NEK4: variants seen among roughly 807,000 people sequenced by gnomAD.
NEK4 encodes the protein serine/threonine-protein kinase Nek4.
In NEK4, 86 loss-of-function variants were observed where a neutral mutation model predicts 98.4. The observed-to-expected ratio is 0.87, with a 90% CI of 0.73 to 1.05. The LOEUF is 1.05. Among genes scored for constraint, NEK4 ranks in the 50% least tolerant of loss-of-function variants. The pLI is 0.00. For synonymous variants in NEK4, 328 were observed against 342.2 expected, an observed-to-expected ratio of 0.96 and a Z score of 0.46; for missense variants, 898 against 950.3, an observed-to-expected ratio of 0.94 and a Z score of 0.72.
rs572412356 is a variant in NEK4, at chr3:52,741,142, A to C, written c.2093+269T>G. ...TCCCAGCTACTTGGGAGGCTGAGTC[A>C]GGAGAACGGTGTGAACCCGGGAGGC... On this transcript the variant is annotated intron_variant, in intron 13 of 15. Transcript: ENST00000233027. 2.6e-3 allele frequency among the ~76,000 whole-genome samples: 393 copies of C among 151,218 alleles called. 3 individuals are homozygous for C. The highest frequency in any genetic ancestry group is 9.3e-3 in the African/African-American group (382 of 41,132).
chr3:52,768,307 C>A, intron 2 of NEK4, 31 bp downstream of exon 2: 1 of 1,568,794 alleles, frequency 6.4e-7, no homozygotes, highest in South Asian at 1.2e-5. Flanking sequence ...CATCTGGGAA[C>A]AAGCTAGGAT....
chr3:52,733,428 A>C, intron 15 of NEK4: 2 of 389,098 alleles, frequency 5.1e-6, no homozygotes, highest in Non-Finnish European at 1.0e-5. Flanking sequence ...CTTGTAATCC[A>C]TTCTGGAGAA....
At position 52,743,362 on chromosome 3, in the gene NEK4, C is replaced by T; in HGVS notation, c.1994G>A (p.Ser665Asn). The T allele has an allele frequency of 3.7e-6, 6 of 1,613,562 alleles. No homozygotes were observed. The highest frequency in any genetic ancestry group is 5.1e-6 in the Non-Finnish European group (6 of 1,179,510). The change falls in exon 12 of 16, where the codon AGC (serine) becomes AAC (asparagine). Residue 665 changes from serine (S) to asparagine (N), a missense_variant. Transcript: ENST00000233027. ...GAGTACGTAATGCACCTGAGTGACG[C>T]TGCAGTCAGAGGAGAGCCGTCGGGC... is the stretch of plus-strand genomic sequence containing the variant. ...LPARRLSSDC[S>N]VTQERKQIHC...
At chr3:52,768,292 C>G in intron 2 of NEK4, 46 bp downstream of exon 2, 1 of 1,558,272 alleles carries the variant, frequency 6.4e-7, no homozygotes, top group Non-Finnish European at 8.7e-7. Context: ...CTGCCATCTT[C>G]TTGCCATCTG....
intron 8 of NEK4, among the ~76,000 whole-genome samples, 158 bp downstream of exon 8, chr3:52,749,534 A>G (rs1388760960): frequency 6.6e-6 from 1 of 152,070 alleles, no homozygotes; most frequent in Non-Finnish European, 1.5e-5. Context: ...TGGCCAAAGT[A>G]TATAAAAAGA....
chr3:52,753,882 T>C (rs1367036802), intron 6 of NEK4: 1 of 357,970 alleles, frequency 2.8e-6, no homozygotes, highest in East Asian at 7.4e-5. Flanking sequence ...CAAGATGGCA[T>C]ATTTAGGCCA....
At chr3:52,726,307 G>A (rs2097364478) in intron 15 of NEK4, among the ~76,000 whole-genome samples, 1 of 152,108 alleles carries the variant, frequency 6.6e-6, no homozygotes, top group Non-Finnish European at 1.5e-5. Flanking sequence ...TAAGAAAATA[G>A]AGGACTTGGG....
At chr3:52,753,339 G>T (rs1049179769) in intron 6 of NEK4, among the ~76,000 whole-genome samples, 1 of 152,188 alleles carries the variant, frequency 6.6e-6, no homozygotes, top group Non-Finnish European at 1.5e-5. Context: ...AGGGCAGGGA[G>T]CAAGCAGGGG....
intron 15 of NEK4, among the ~76,000 whole-genome samples, chr3:52,715,041 G>A (rs2097353891): frequency 6.6e-6 from 1 of 152,238 alleles, no homozygotes; most frequent in South Asian, 2.1e-4. Flanking sequence ...GCAGGAGGCA[G>A]ACAGGCTACT....
rs1457165920 is a variant in NEK4 at position 52,708,512 on chromosome 3, TATTTA to T, written c.*3260_*3264del. The T allele has an allele frequency of 6.6e-6, 1 of 152,230 alleles. No homozygotes were observed. The highest frequency in any genetic ancestry group is 2.4e-5 in the African/African-American group (1 of 41,454). The allele number at this position is 152,230 out of a possible 1,614,324, so 9.4% of individuals were successfully genotyped here. A position where few individuals can be genotyped will look rare whatever the true frequency, so the allele number is the denominator to read the frequency against. On this transcript the variant is annotated 3_prime_UTR_variant, in exon 16 of 16. Coordinates refer to ENST00000233027, the MANE Select transcript of NEK4 (RefSeq NM_003157.6). ...ACAATATGGTGCCACTAGACACGTC[TATTTA>T]ATTAAAATTAAAATATAAAACTCTA...
intron 7 of NEK4, among the ~76,000 whole-genome samples, chr3:52,750,721 G>A (rs2097403528): frequency 6.6e-6 from 1 of 152,114 alleles, no homozygotes; most frequent in Non-Finnish European, 1.5e-5. Flanking sequence ...GAGCCCAGGA[G>A]TTTGAGACCA....
At chr3:52,737,243 C>T (rs2097377593) in intron 15 of NEK4, among the ~76,000 whole-genome samples, 1 of 151,450 alleles carries the variant, frequency 6.6e-6, no homozygotes, top group South Asian at 2.1e-4. Context: ...CATGCCCAAG[C>T]TAAAGTTTAA....
Position 52,752,237 on chromosome 3 carries a change from T to A in NEK4, c.1063A>T (p.Asn355Tyr). The change falls in exon 7 of 16, where the codon AAT becomes TAT. Residue 355 changes from asparagine to tyrosine, a missense_variant. Physicochemically the swap from Asn to Tyr is moderately radical, Grantham distance 143 (BLOSUM62 -2). Coordinates refer to ENST00000233027, the MANE Select transcript of NEK4 (RefSeq NM_003157.6). ...CTGATTGTGGCTAGTTCTGTGGTAT[T>A]GCTCAAGTCCTGTTTGCAGGTATGG... is the stretch of plus-strand genomic sequence containing the variant. Reference protein sequence around the residue: ...KAHTCKQDLSNTTELATISSV... With the variant: ...KAHTCKQDLSYTTELATISSV... 1 of 1,614,246 alleles carries A rather than the reference T, an allele frequency of 6.2e-7. No individual in the cohort carries two copies. Among genetic ancestry groups the A allele is most frequent in the Middle Eastern group, 1.6e-4 (1 of 6,062 alleles).
At chr3:52,762,372 T>A (rs1465939836) in intron 5 of NEK4, among the ~76,000 whole-genome samples, 1 of 152,274 alleles carries the variant, frequency 6.6e-6, no homozygotes, top group East Asian at 1.9e-4. Context: ...TCTTTTTTTT[T>A]ATTATTATTT....
At chr3:52,724,359 T>A (rs2097362687) in intron 15 of NEK4, among the ~76,000 whole-genome samples, 1 of 152,142 alleles carries the variant, frequency 6.6e-6, no homozygotes, top group African/African-American at 2.4e-5. Flanking sequence ...AACGGGTTTT[T>A]TCATCAGGAA....
At chr3:52,757,611 T>C (rs922647338) in intron 6 of NEK4, among the ~76,000 whole-genome samples, 2 of 150,402 alleles carry the variant, frequency 1.3e-5, no homozygotes, top group African/African-American at 4.9e-5. Flanking sequence ...TAAGTGTACA[T>C]TCATGTTCAT....
intron 15 of NEK4, among the ~76,000 whole-genome samples, chr3:52,714,253 T>C (rs2097353042): frequency 6.6e-6 from 1 of 152,032 alleles, no homozygotes; most frequent in Non-Finnish European, 1.5e-5. Flanking sequence ...CTGGAAACGG[T>C]GCTAAGAGAA....
At chr3:52,713,151 G>C (rs2097352030) in intron 15 of NEK4, among the ~76,000 whole-genome samples, 1 of 152,202 alleles carries the variant, frequency 6.6e-6, no homozygotes, top group East Asian at 1.9e-4. Context: ...TTCAATGTAT[G>C]CTTGTGGAAA....
At chr3:52,755,281 C>T (rs998040907) in intron 6 of NEK4, among the ~76,000 whole-genome samples, 6 of 151,932 alleles carry the variant, frequency 3.9e-5, no homozygotes, top group South Asian at 2.1e-4. Flanking sequence ...AATTATTGCT[C>T]AATGGGTACC....
Sources: gnomAD v4.1 joint callset for allele counts (sites outside exome capture counted in the v4.1 genomes callset) on GRCh38, gnomAD v4.1.1 for gene constraint, MANE v1.5 for transcripts, NCBI Gene and HGNC (gene_info 2026-07-23, HGNC 2026-07-21) for gene names.